The following VTI1A variants were observed in gnomAD, a reference collection of about 807,000 sequenced individuals.
VTI1A encodes the protein vesicle transport through interaction with t-SNAREs homolog 1A.
In VTI1A, 22 loss-of-function variants were observed where a neutral mutation model predicts 34.9. The observed-to-expected ratio is 0.63, with a 90% CI of 0.45 to 0.90. VTI1A has a LOEUF of 0.90. Ranked by LOEUF, VTI1A falls within the 40% of genes least tolerant of loss-of-function variation. VTI1A has a pLI of 0.00. For missense variants in VTI1A, 268 were observed against 275.6 expected (o/e 0.97, Z 0.20); for synonymous variants, 87 against 97.3 (o/e 0.89, Z 0.62).
chr10:112,472,533 CT>C (rs78914593), intron 3 of VTI1A, among the ~76,000 whole-genome samples: 3,672 of 134,594 alleles, frequency 0.027, 29 homozygotes, highest in African/African-American at 0.033. Context: ...TACCCATATT[CT>C]TTTTTTTTTT....
intron 5 of VTI1A, among the ~76,000 whole-genome samples, chr10:112,606,486 G>A (rs1428719920): frequency 1.3e-5 from 2 of 152,084 alleles, no homozygotes; most frequent in Non-Finnish European, 2.9e-5. Flanking sequence ...CAGGAAGTGG[G>A]GCAAGTCACC....
intron 3 of VTI1A, among the ~76,000 whole-genome samples, chr10:112,519,236 A>T (rs1279641564): frequency 6.6e-6 from 1 of 152,126 alleles, no homozygotes; most frequent in African/African-American, 2.4e-5. Flanking sequence ...TTTTCTGAGT[A>T]AGCAAGCAGT....
intron 5 of VTI1A, among the ~76,000 whole-genome samples, chr10:112,611,502 C>G (rs975264329): frequency 6.6e-6 from 1 of 152,128 alleles, no homozygotes; most frequent in African/African-American, 2.4e-5. Context: ...TGACCTTTCT[C>G]AAACTACATG....
chr10:112,569,477 G>A (rs1852037981), intron 5 of VTI1A, among the ~76,000 whole-genome samples: 1 of 152,166 alleles, frequency 6.6e-6, no homozygotes, highest in East Asian at 1.9e-4. Flanking sequence ...TTCTAGTCTA[G>A]AAAACAGAAC....
At chr10:112,812,159 T>C (rs1853341426) in intron 7 of VTI1A, among the ~76,000 whole-genome samples, 1 of 152,244 alleles carries the variant, frequency 6.6e-6, no homozygotes, top group Non-Finnish European at 1.5e-5. Flanking sequence ...AATGCACAAG[T>C]TTTTGCCTGG....
At chr10:112,563,455 CT>C (rs888702907) in intron 5 of VTI1A, among the ~76,000 whole-genome samples, 8 of 152,138 alleles carry the variant, frequency 5.3e-5, no homozygotes, top group Admixed American at 3.9e-4. Context: ...CCTTTCAGTG[CT>C]GTAACCTTAT....
chr10:112,752,992 G>GT (rs914218812), intron 7 of VTI1A, among the ~76,000 whole-genome samples: 7 of 151,296 alleles, frequency 4.6e-5, no homozygotes, highest in Non-Finnish European at 7.4e-5. Context: ...CTGAAAAACG[G>GT]TTTTTTTTCC....
At chr10:112,519,915 CTAGGCAGATGA>C (rs1849951241) in intron 3 of VTI1A, among the ~76,000 whole-genome samples, 1 of 151,930 alleles carries the variant, frequency 6.6e-6, no homozygotes, top group African/African-American at 2.4e-5. Context: ...CTTCCCAATG[CTAGGCAGATGA>C]TATAGAGAAA....
At chr10:112,613,139 C>T (rs746094350) in intron 5 of VTI1A, among the ~76,000 whole-genome samples, 3 of 151,822 alleles carry the variant, frequency 2.0e-5, no homozygotes, top group Non-Finnish European at 4.4e-5. Flanking sequence ...AAGACTTTGC[C>T]GAATGGGGAG....
At chr10:112,743,595 A>C (rs759050169) in intron 7 of VTI1A, among the ~76,000 whole-genome samples, 24 of 152,094 alleles carry the variant, frequency 1.6e-4, no homozygotes, top group African/African-American at 2.7e-4. Flanking sequence ...TTCATGAGCC[A>C]GGGGGGAGAT....
intron 5 of VTI1A, among the ~76,000 whole-genome samples, chr10:112,632,099 T>C (rs1010680704): frequency 6.6e-6 from 1 of 152,182 alleles, no homozygotes; most frequent in African/African-American, 2.4e-5. Context: ...GTTGGGGTAG[T>C]ATTCTTCCCT....
At chr10:112,686,900 A>G (rs1848436156) in intron 7 of VTI1A, among the ~76,000 whole-genome samples, 1 of 152,138 alleles carries the variant, frequency 6.6e-6, no homozygotes, top group African/African-American at 2.4e-5. Flanking sequence ...CAGAAGGTGG[A>G]ATTTTTCTTT....
chr10:112,820,124 G>A (rs764523786), downstream of VTI1A, among the ~76,000 whole-genome samples: 4 of 152,216 alleles, frequency 2.6e-5, no homozygotes, highest in African/African-American at 9.6e-5. Flanking sequence ...GTTACTATGG[G>A]CGTAGGAACA....
chr10:112,642,882 A>G (rs1399284504), intron 5 of VTI1A, among the ~76,000 whole-genome samples: 1 of 152,130 alleles, frequency 6.6e-6, no homozygotes, highest in Non-Finnish European at 1.5e-5. Flanking sequence ...TAAGTTGATC[A>G]TGAAAAACTT....
At chr10:112,722,415 C>T (rs966535656) in intron 7 of VTI1A, among the ~76,000 whole-genome samples, 3 of 151,870 alleles carry the variant, frequency 2.0e-5, no homozygotes, top group Non-Finnish European at 2.9e-5. Context: ...ATGTAAATGA[C>T]GAGTTAATGG....
At chr10:112,529,662 A>C (rs930565466) in intron 4 of VTI1A, among the ~76,000 whole-genome samples, 1 of 152,106 alleles carries the variant, frequency 6.6e-6, no homozygotes, top group South Asian at 2.1e-4. Context: ...TAACTATATA[A>C]ATGGATAAAA....
At position 112,501,746 on chromosome 10, in the gene VTI1A, G is replaced by T. The variant is rs1164785062; in HGVS notation, c.265-25341G>T. Among the ~76,000 whole-genome samples the T allele has an allele frequency of 9.7e-5, 13 of 133,786 alleles. No homozygotes were observed. In the Admixed American group the frequency reaches 1.2e-3, roughly 12 times the overall value. The allele number at this position is 133,786 out of a possible 152,430, so 87.8% of individuals were successfully genotyped here. A position where few individuals can be genotyped will look rare whatever the true frequency, so the allele number is the denominator to read the frequency against. On this transcript the variant is annotated intron_variant, in intron 3 of 7. Transcript: ENST00000393077. Reference sequence around the variant, plus strand: ...TAAATTGAATAGTCAGATTGTTTTTGTTTGTTGGGGATAATTGAGCAACTT... The same window carrying T: ...TAAATTGAATAGTCAGATTGTTTTTTTTTGTTGGGGATAATTGAGCAACTT...
intron 5 of VTI1A, among the ~76,000 whole-genome samples, chr10:112,604,903 A>T (rs1422452303): frequency 6.6e-6 from 1 of 152,188 alleles, no homozygotes; most frequent in Non-Finnish European, 1.5e-5. Context: ...CAAATGTGTC[A>T]TAGTGAACAT....
intron 3 of VTI1A, among the ~76,000 whole-genome samples, chr10:112,516,134 C>T (rs750019622): frequency 2.0e-5 from 3 of 152,004 alleles, no homozygotes; most frequent in Non-Finnish European, 4.4e-5. Context: ...AGGCTTGTAG[C>T]GGAGCTTCTT....
Sources: allele counts gnomAD v4.1 joint callset (sites outside exome capture counted in the v4.1 genomes callset), GRCh38; gene constraint gnomAD v4.1.1; transcripts MANE v1.5; gene names NCBI Gene and HGNC (gene_info 2026-07-23, HGNC 2026-07-21).